Variants in NTM observed in about 807,000 individuals in gnomAD.
NTM encodes IgLON family member 2.
In NTM, 13 loss-of-function variants were observed where a neutral mutation model predicts 42.1. The ratio of observed to expected loss-of-function variants is 0.31; its 90% CI spans 0.20 to 0.49. The LOEUF (loss-of-function observed/expected upper bound fraction) is 0.49. NTM is among the 20% of genes least tolerant of loss of function. NTM has a pLI of 0.99. For synonymous variants in NTM, 187 were observed against 179.2 expected, an observed-to-expected ratio of 1.04 and a Z score of -0.35; for missense variants, 373 against 452.8, an observed-to-expected ratio of 0.82 and a Z score of 1.60.
In NTM at chr11:131,872,079, C is replaced by G. The variant is rs76330272; in HGVS notation, c.83-39485C>G. ...ATGCTACTGGATTGTGTGTCAGTGC[C>G]TCTAAGACATCTTATTACCAAATCA... is the stretch of plus-strand genomic sequence containing the variant. On this transcript the variant is annotated intron_variant, in intron 1 of 8. Transcript: ENST00000683400. 9.6e-3 allele frequency among the ~76,000 whole-genome samples: 1,455 copies of G among 152,252 alleles called. 20 individuals are homozygous for G. Among genetic ancestry groups the G allele is most frequent in the African/African-American group, 0.031 (1,300 of 41,526 alleles).
chr11:131,760,117 C>T (rs2083909555), intron 1 of NTM, among the ~76,000 whole-genome samples: 1 of 151,984 alleles, frequency 6.6e-6, no homozygotes, highest in African/African-American at 2.4e-5. Flanking sequence ...ATTAATTAGG[C>T]TAATTAGAAA....
chr11:132,184,840 C>T (rs950447829), intron 3 of NTM, among the ~76,000 whole-genome samples: 1 of 152,144 alleles, frequency 6.6e-6, no homozygotes, highest in African/African-American at 2.4e-5. Flanking sequence ...ATGAACGTAC[C>T]ATGTCATTGT....
In NTM at chr11:132,188,101, C is replaced by CGT. The variant is rs372467159; in HGVS notation, c.401-23908_401-23907dup. Among the ~76,000 whole-genome samples the CGT allele has an allele frequency of 2.0e-4, 31 of 151,672 alleles. No homozygotes were observed. In the East Asian group the frequency reaches 4.3e-3, roughly 21 times the overall value. ...CTAGTTTGTCACAACTCTGTGCGTG[C>CGT]GTGTGTGTGTGTGTTTGTGTGTCAG... On this transcript the variant is annotated intron_variant, in intron 3 of 8. Transcript: ENST00000683400.
intron 4 of NTM, among the ~76,000 whole-genome samples, chr11:132,275,054 CTTAAG>C (rs2093652465): frequency 6.6e-6 from 1 of 151,948 alleles, no homozygotes; most frequent in South Asian, 2.1e-4. Flanking sequence ...TTTTCATTTT[CTTAAG>C]TTATCTTTTG....
At chr11:131,719,853 C>T (rs1376076186) in intron 1 of NTM, among the ~76,000 whole-genome samples, 1 of 152,156 alleles carries the variant, frequency 6.6e-6, no homozygotes, top group Non-Finnish European at 1.5e-5. Context: ...GCGAAACTCA[C>T]AAGGGTGCAA....
At chr11:132,038,663 C>T (rs1187193794) in intron 2 of NTM, among the ~76,000 whole-genome samples, 4 of 152,162 alleles carry the variant, frequency 2.6e-5, no homozygotes, top group African/African-American at 9.7e-5. Context: ...ATGTTGTCAC[C>T]CCTGGCAGAC....
chr11:131,933,800 G>A lies in NTM; in HGVS notation c.167+22152G>A, dbSNP rs150957812. ...GAAATCTAGCTTGGTGAGGAAAAGC[G>A]TGAACTGGGTAATTAAGTAGTCAGA... On this transcript the variant is annotated intron_variant, in intron 2 of 8. Transcript: ENST00000683400. Among the ~76,000 whole-genome samples, 10 of 152,186 alleles carry A rather than the reference G, an allele frequency of 6.6e-5. No homozygotes were observed. The East Asian group carries it at 1.7e-3, about 26-fold the overall frequency.
chr11:131,640,935 A>C (rs1592327710), intron 1 of NTM, among the ~76,000 whole-genome samples: 1 of 152,218 alleles, frequency 6.6e-6, no homozygotes. Context: ...CGTATTTTCC[A>C]GACAGGAATA....
At chr11:131,560,757 G>A (rs536272941) in intron 1 of NTM, among the ~76,000 whole-genome samples, 1 of 152,108 alleles carries the variant, frequency 6.6e-6, no homozygotes, top group African/African-American at 2.4e-5. Flanking sequence ...TTTATCCTTA[G>A]CTGTATTTGT....
intron 1 of NTM, among the ~76,000 whole-genome samples, chr11:131,524,810 G>A (rs1002301663): frequency 1.3e-5 from 2 of 152,198 alleles, no homozygotes; most frequent in African/African-American, 4.8e-5. Flanking sequence ...ATCAGTGGCG[G>A]CCGGGACCAG....
intron 1 of NTM, among the ~76,000 whole-genome samples, chr11:131,593,293 G>A (rs577206108): frequency 6.6e-6 from 1 of 152,256 alleles, no homozygotes; most frequent in Admixed American, 6.5e-5. Context: ...GGAGATTACA[G>A]GGAGAATTGC....
chr11:132,116,999 G>A (rs987955447), intron 2 of NTM, among the ~76,000 whole-genome samples: 1 of 152,154 alleles, frequency 6.6e-6, no homozygotes, highest in Non-Finnish European at 1.5e-5. Flanking sequence ...TTCTCAAGAG[G>A]TGAGACTATT....
intron 1 of NTM, among the ~76,000 whole-genome samples, chr11:131,400,409 C>T (rs574006933): frequency 2.0e-5 from 3 of 152,232 alleles, no homozygotes; most frequent in South Asian, 4.1e-4. Flanking sequence ...ATTCCCGGAC[C>T]GTGTCTCTAG....
intron 6 of NTM, chr11:132,312,629 G>A (rs2095312990): frequency 1.3e-5 from 2 of 154,794 alleles, no homozygotes; most frequent in Non-Finnish European, 2.9e-5. Flanking sequence ...CTGTCAAGCA[G>A]GAGCCTACTT....
intron 2 of NTM, among the ~76,000 whole-genome samples, chr11:131,988,793 C>T (rs977609382): frequency 6.6e-6 from 1 of 152,150 alleles, no homozygotes; most frequent in East Asian, 1.9e-4. Flanking sequence ...ACAAAAAGAC[C>T]TCTGTCTAGA....
At chr11:131,508,784 A>G (rs2079396976) in intron 1 of NTM, among the ~76,000 whole-genome samples, 1 of 135,720 alleles carries the variant, frequency 7.4e-6, no homozygotes, top group African/African-American at 2.9e-5. Context: ...CTATCGCAAG[A>G]ACAAAAAACC....
intron 3 of NTM, among the ~76,000 whole-genome samples, chr11:132,179,304 C>G (rs1485297613): frequency 2.0e-5 from 3 of 152,076 alleles, no homozygotes; most frequent in Non-Finnish European, 4.4e-5. Context: ...ATCCAAAGTA[C>G]CCTAATGGAT....
chr11:132,186,353 A>G (rs1454444738), intron 3 of NTM, among the ~76,000 whole-genome samples: 2 of 152,192 alleles, frequency 1.3e-5, no homozygotes, highest in East Asian at 1.9e-4. Flanking sequence ...GCCAGCCCCT[A>G]TGAATACACT....
intron 1 of NTM, among the ~76,000 whole-genome samples, chr11:131,830,821 T>G (rs1190506444): frequency 1.3e-5 from 2 of 152,244 alleles, no homozygotes; most frequent in Non-Finnish European, 2.9e-5. Context: ...TTTTTTCATT[T>G]GTTTGTGTCA....
Sources: gnomAD v4.1 joint callset for allele counts (sites outside exome capture counted in the v4.1 genomes callset) on GRCh38, gnomAD v4.1.1 for gene constraint, MANE v1.5 for transcripts, NCBI Gene and HGNC (gene_info 2026-07-23, HGNC 2026-07-21) for gene names.